The following SLC13A3 variants were observed in gnomAD, a reference collection of about 807,000 sequenced individuals.
The protein encoded by SLC13A3 is solute carrier family 13 member 3, also known as Na(+)/dicarboxylate cotransporter 3.
A neutral mutation model predicts 59.0 loss-of-function variants in SLC13A3; 40 were observed. That is an observed-to-expected ratio of 0.68 (90% CI 0.53 to 0.88). The LOEUF (loss-of-function observed/expected upper bound fraction) is 0.88. Ranked by LOEUF, SLC13A3 falls within the 40% of genes least tolerant of loss-of-function variation. The pLI is 0.00. For missense variants in SLC13A3, 699 were observed against 783.2 expected (o/e 0.89, Z 1.28); for synonymous variants, 317 against 330.3 (o/e 0.96, Z 0.44).
At chr20:46,647,727 C>G (rs992130753) in intron 1 of SLC13A3, among the ~76,000 whole-genome samples, 5 of 152,166 alleles carry the variant, frequency 3.3e-5, no homozygotes, top group Non-Finnish European at 4.4e-5. Flanking sequence ...GACAAGCTCA[C>G]CAGTCACCAG....
At chr20:46,643,506 GC>G (rs2062865440) in intron 1 of SLC13A3, among the ~76,000 whole-genome samples, 1 of 152,170 alleles carries the variant, frequency 6.6e-6, no homozygotes, top group Non-Finnish European at 1.5e-5. Context: ...TATTTAAGGA[GC>G]AGTAAGAAAG....
intron 1 of SLC13A3, among the ~76,000 whole-genome samples, chr20:46,678,289 A>G (rs4810537): frequency 0.72 from 109,103 of 152,158 alleles, 40,303 homozygotes; most frequent in African/African-American, 0.91. Context: ...CTAACCTGAC[A>G]GTAAAAGGCA....
intron 2 of SLC13A3, among the ~76,000 whole-genome samples, chr20:46,612,321 CAG>C (rs1199935431): frequency 2.0e-5 from 3 of 151,834 alleles, no homozygotes; most frequent in Non-Finnish European, 4.4e-5. Context: ...TTGGTAGAGA[CAG>C]GGGTTTTACC....
intron 1 of SLC13A3, among the ~76,000 whole-genome samples, chr20:46,621,693 C>G (rs1034369726): frequency 3.3e-5 from 5 of 152,176 alleles, no homozygotes; most frequent in Non-Finnish European, 7.4e-5. Context: ...AGGGGCAACC[C>G]AGGAGGTCTT....
At chr20:46,583,947 G>C (rs1323508731) in intron 8 of SLC13A3, 1 of 985,236 alleles carries the variant, frequency 1.0e-6, no homozygotes, top group Non-Finnish European at 1.2e-6. Flanking sequence ...ACCAAAGAGG[G>C]GAGAATCCGA....
intron 1 of SLC13A3, among the ~76,000 whole-genome samples, chr20:46,667,800 G>A (rs2063069675): frequency 1.3e-5 from 2 of 152,186 alleles, no homozygotes; most frequent in Non-Finnish European, 2.9e-5. Flanking sequence ...CCTACAGTGA[G>A]CAATTCTCTT....
intron 3 of SLC13A3, among the ~76,000 whole-genome samples, chr20:46,604,415 G>A (rs1237364129): frequency 3.3e-5 from 5 of 152,118 alleles, no homozygotes; most frequent in Non-Finnish European, 5.9e-5. Context: ...GGTCTTTGGT[G>A]AAGGCCATTG....
chr20:46,626,107 C>CTCTCTCTCTCTCTCTG (rs1378582304), intron 1 of SLC13A3, among the ~76,000 whole-genome samples: 2 of 151,194 alleles, frequency 1.3e-5, no homozygotes, highest in Non-Finnish European at 2.9e-5. Flanking sequence ...TTCTCTCTCT[C>CTCTCTCTCTCTCTCTG]TCTCTCTCTC....
chr20:46,569,986 C>T (rs1397481406), intron 10 of SLC13A3, among the ~76,000 whole-genome samples: 3 of 152,296 alleles, frequency 2.0e-5, no homozygotes, highest in East Asian at 1.9e-4. Context: ...TAAAACACAA[C>T]GGGCTCGGCT....
At chr20:46,610,692 A>G (rs1057312980) in intron 2 of SLC13A3, 83 bp from the exon 3 acceptor site, 8 of 1,145,830 alleles carry the variant, frequency 7.0e-6, no homozygotes, top group Non-Finnish European at 4.9e-6. Flanking sequence ...TCCCTGAGGA[A>G]TACAATCCAT....
upstream of SLC13A3, among the ~76,000 whole-genome samples, chr20:46,674,594 CGCGCGCGCGCGTGTGT>C (rs370323186): frequency 0.037 from 3,092 of 84,334 alleles, 49 homozygotes; most frequent in Middle Eastern, 0.081. Flanking sequence ...GGAGTGCGCG[CGCGCGCGCGCGTGTGT>C]GTGTGTGTGT....
Position 46,650,890 on chromosome 20 carries a change from C to A in SLC13A3, c.111+421G>T, listed in dbSNP as rs578060514. Among the ~76,000 whole-genome samples the A allele has an allele frequency of 3.3e-5, 5 of 152,064 alleles. No individual in the cohort carries two copies. The East Asian group carries it at 9.7e-4, about 29-fold the overall frequency. The stretch of plus-strand genomic sequence containing the variant: ...GACCAGCCTGGACAACATAGTGAGA[C>A]CCTATCTCTATTAAAAAAAAATTAG... On this transcript the variant is annotated intron_variant, in intron 1 of 12. Transcript: ENST00000279027.
intron 9 of SLC13A3, 54 bp downstream of exon 9, chr20:46,583,518 T>G (rs971542916): frequency 6.3e-7 from 1 of 1,598,580 alleles, no homozygotes; most frequent in African/African-American, 1.4e-5. Context: ...ATGACCACAC[T>G]CCATGCCGCA....
chr20:46,609,291 C>T (rs568958450), intron 3 of SLC13A3, among the ~76,000 whole-genome samples: 8 of 152,132 alleles, frequency 5.3e-5, no homozygotes, highest in Non-Finnish European at 1.2e-4. Flanking sequence ...TCTTTAACTT[C>T]ACTGTGTAAT....
intron 5 of SLC13A3, among the ~76,000 whole-genome samples, chr20:46,595,069 A>C (rs2062297206): frequency 6.6e-6 from 1 of 152,248 alleles, no homozygotes; most frequent in Non-Finnish European, 1.5e-5. Context: ...ATTTGCAGCC[A>C]CGTTGAATAT....
chr20:46,613,315 A>ATAAATAAC, intron 2 of SLC13A3, 145 bp downstream of exon 2: 3 of 449,166 alleles, frequency 6.7e-6, no homozygotes, highest in Non-Finnish European at 3.4e-6. Context: ...AAATAAATAA[A>ATAAATAAC]TAAATAAATA....
Position 46,560,165 on chromosome 20 carries a change from C to T in SLC13A3, c.1666G>A (p.Val556Ile), listed in dbSNP as rs2061918872. Reference protein sequence around the residue: ...RTGLLMNLMGVLLLSLAMNTW... With the variant: ...RTGLLMNLMGILLLSLAMNTW... ...TTCATAGCCAAACTGAGCAGCAGGA[C>T]ACCCATCAGGTTCATCAGGAGGCCT... The change falls in exon 13 of 13, where the codon GTC (valine) becomes ATC (isoleucine). Residue 556 changes from valine (V) to isoleucine (I), a missense_variant. Val to Ile is a conservative substitution (Grantham distance 29). Transcript: ENST00000279027. 1 of 1,614,042 alleles carries T rather than the reference C, an allele frequency of 6.2e-7. No individual in the cohort carries two copies. The highest frequency in any genetic ancestry group is 1.3e-5 in the African/African-American group (1 of 74,906).
chr20:46,591,122 G>T (rs2122675952), intron 6 of SLC13A3, among the ~76,000 whole-genome samples: 1 of 152,080 alleles, frequency 6.6e-6, no homozygotes, highest in East Asian at 1.9e-4. Flanking sequence ...CTCCGACATG[G>T]TGCCACTGCA....
At chr20:46,661,316 G>A (rs989130975) in intron 1 of SLC13A3, among the ~76,000 whole-genome samples, 1 of 152,178 alleles carries the variant, frequency 6.6e-6, no homozygotes, top group Non-Finnish European at 1.5e-5. Flanking sequence ...CTGCAGTATG[G>A]AGTTAATCGG....
Sources: allele counts gnomAD v4.1 joint callset (sites outside exome capture counted in the v4.1 genomes callset), GRCh38; gene constraint gnomAD v4.1.1; transcripts MANE v1.5; gene names NCBI Gene and HGNC (gene_info 2026-07-23, HGNC 2026-07-21).